The following CCNY variants were observed in gnomAD, a reference collection of about 807,000 sequenced individuals.
The protein encoded by CCNY is cyclin-Y.
Under a neutral mutation model 42.8 loss-of-function variants are expected in CCNY, and 19 were observed. The observed-to-expected ratio is 0.44, with a 90% CI of 0.31 to 0.65. The LOEUF is 0.65. Among genes scored for constraint, CCNY ranks in the 30% least tolerant of loss-of-function variants. CCNY has a pLI of 0.07. For missense variants in CCNY, 370 were observed against 437.3 expected, an observed-to-expected ratio of 0.85 and a Z score of 1.37; for synonymous variants, 165 against 162.7, an observed-to-expected ratio of 1.01 and a Z score of -0.11.
upstream of CCNY, among the ~76,000 whole-genome samples, chr10:35,333,495 G>T (rs113897925): frequency 3.3e-3 from 510 of 152,320 alleles, 4 homozygotes; most frequent in African/African-American, 0.012. Context: ...GAGAAGGAGA[G>T]AAGTGACACT....
chr10:35,537,957 T>C (rs1175389749), intron 7 of CCNY, among the ~76,000 whole-genome samples: 2 of 152,162 alleles, frequency 1.3e-5, no homozygotes, highest in Non-Finnish European at 2.9e-5. Flanking sequence ...CATTTTGAAT[T>C]GTATCTCCCA....
At chr10:35,410,144 A>G (rs1837872266) in intron 1 of CCNY, among the ~76,000 whole-genome samples, 1 of 152,188 alleles carries the variant, frequency 6.6e-6, no homozygotes, top group African/African-American at 2.4e-5. Context: ...AGAGACAGAC[A>G]CATGGTAAGC....
chr10:35,323,766 C>T lies in CCNY; in HGVS notation c.-9+73140C>T, dbSNP rs183626846. Among the ~76,000 whole-genome samples the T allele has an allele frequency of 1.3e-3, 197 of 152,290 alleles. 1 individual carries two copies. The highest frequency in any genetic ancestry group is 9.3e-4 in the Non-Finnish European group (63 of 68,024). On this transcript the variant is annotated intron_variant, in intron 3 of 11. Transcript: ENST00000374706. ...TGGCGTGGTGGCTCCCACCTGTAAT[C>T]CCAGCATGTCCGGAGGCCAGGGAAG...
At chr10:35,418,030 C>A (rs944233001) in intron 1 of CCNY, among the ~76,000 whole-genome samples, 1 of 152,180 alleles carries the variant, frequency 6.6e-6, no homozygotes, top group African/African-American at 2.4e-5. Flanking sequence ...TAGGAAAAAT[C>A]ATCAGTAAAG....
chr10:35,319,824 C>A (rs1336844139), intron 3 of CCNY, among the ~76,000 whole-genome samples: 1 of 152,074 alleles, frequency 6.6e-6, no homozygotes, highest in Non-Finnish European at 1.5e-5. Flanking sequence ...GTGGTAGGCG[C>A]CTGTGATCCC....
At chr10:35,382,919 T>G (rs1237024852) in intron 1 of CCNY, among the ~76,000 whole-genome samples, 1 of 152,160 alleles carries the variant, frequency 6.6e-6, no homozygotes, top group Non-Finnish European at 1.5e-5. Flanking sequence ...TGTGATATAC[T>G]CATGACCAGT....
intron 1 of CCNY, among the ~76,000 whole-genome samples, chr10:35,339,558 T>C (rs1836129134): frequency 6.6e-6 from 1 of 152,250 alleles, no homozygotes; most frequent in African/African-American, 2.4e-5. Flanking sequence ...TCATTGACTC[T>C]AGTATATATC....
intron 1 of CCNY, among the ~76,000 whole-genome samples, chr10:35,429,437 A>G (rs547529192): frequency 6.6e-6 from 1 of 152,382 alleles, no homozygotes; most frequent in Admixed American, 6.5e-5. Flanking sequence ...GATAGAACCC[A>G]TATAAACCAT....
At chr10:35,430,594 G>C (rs1481191410) in intron 1 of CCNY, among the ~76,000 whole-genome samples, 1 of 152,118 alleles carries the variant, frequency 6.6e-6, no homozygotes, top group South Asian at 2.1e-4. Context: ...AACAACTGTA[G>C]TGTAGAGTAT....
intron 3 of CCNY, among the ~76,000 whole-genome samples, chr10:35,292,558 G>A (rs11593505): frequency 1.3e-5 from 2 of 151,710 alleles, no homozygotes; most frequent in African/African-American, 2.4e-5. Flanking sequence ...ACAGGGTTTC[G>A]CCATGTTGGT....
intron 1 of CCNY, among the ~76,000 whole-genome samples, chr10:35,426,753 A>G (rs1018314906): frequency 6.6e-6 from 1 of 152,210 alleles, no homozygotes; most frequent in Non-Finnish European, 1.5e-5. Context: ...TTGAGGCCAG[A>G]AGTCTTTCAG....
At chr10:35,433,219 G>A (rs1408382325) in intron 1 of CCNY, among the ~76,000 whole-genome samples, 2 of 152,106 alleles carry the variant, frequency 1.3e-5, no homozygotes, top group Non-Finnish European at 2.9e-5. Flanking sequence ...GTAAACTAAG[G>A]TGGGGTTTTT....
chr10:35,507,692 A>G (rs1818919790), intron 3 of CCNY, among the ~76,000 whole-genome samples: 1 of 151,982 alleles, frequency 6.6e-6, no homozygotes, highest in African/African-American at 2.4e-5. Flanking sequence ...GACACATGGC[A>G]TTTAGTTGGC....
intron 3 of CCNY, among the ~76,000 whole-genome samples, chr10:35,303,777 C>CAAAAAAAAAAAAAA (rs755443366): frequency 2.1e-5 from 1 of 48,522 alleles, no homozygotes; most frequent in African/African-American, 6.4e-5. Flanking sequence ...AACTCCGTCT[C>CAAAAAAAAAAAAAA]AAAAAAAAAA....
At chr10:35,556,518 A>G (rs1025449882) in intron 8 of CCNY, among the ~76,000 whole-genome samples, 1 of 152,214 alleles carries the variant, frequency 6.6e-6, no homozygotes, top group Non-Finnish European at 1.5e-5. Flanking sequence ...TGATTACCAC[A>G]CTATAAGACT....
intron 3 of CCNY, among the ~76,000 whole-genome samples, chr10:35,280,472 A>G (rs1311161443): frequency 7.4e-6 from 1 of 134,412 alleles, no homozygotes; most frequent in Non-Finnish European, 1.6e-5. Context: ...GGGAGGAAGG[A>G]AGGAAAGAAG....
intron 7 of CCNY, among the ~76,000 whole-genome samples, chr10:35,538,069 C>G (rs1240285571): frequency 1.3e-5 from 2 of 152,156 alleles, no homozygotes; most frequent in African/African-American, 2.4e-5. Context: ...CTTACGAGAT[C>G]TGATGGTTTT....
intron 3 of CCNY, among the ~76,000 whole-genome samples, chr10:35,268,100 T>C (rs1482268233): frequency 6.6e-6 from 1 of 152,024 alleles, no homozygotes; most frequent in Non-Finnish European, 1.5e-5. Context: ...AATTTTGTAT[T>C]TTTAGGTTGG....
chr10:35,260,614 T>C (rs995189651), intron 3 of CCNY, among the ~76,000 whole-genome samples: 7 of 152,236 alleles, frequency 4.6e-5, no homozygotes, highest in African/African-American at 1.7e-4. Flanking sequence ...GTGCCCCATC[T>C]GAGGTCAATC....
Sources: allele counts gnomAD v4.1 joint callset (sites outside exome capture counted in the v4.1 genomes callset), GRCh38; gene constraint gnomAD v4.1.1; transcripts MANE v1.5; gene names NCBI Gene and HGNC (gene_info 2026-07-23, HGNC 2026-07-21).